The following CA8 variants were observed in gnomAD, a reference collection of about 807,000 sequenced individuals.
CA8 encodes the protein carbonic anhydrase 8 (inactive), also known as carbonic anhydrase-related protein.
A neutral mutation model predicts 41.4 loss-of-function variants in CA8; 22 were observed. That is an observed-to-expected ratio of 0.53 (90% CI 0.38 to 0.76). CA8 has a LOEUF of 0.76. CA8 is among the 30% of genes least tolerant of loss of function. The probability of loss-of-function intolerance (pLI) is 0.00; values close to 1 mark genes in which losing one functional copy is unlikely to be tolerated. For missense variants in CA8, 270 were observed against 352.8 expected (o/e 0.77, Z 1.88); for synonymous variants, 121 against 130.6 (o/e 0.93, Z 0.50).
At chr8:60,208,570 T>C (rs1806721890) in intron 8 of CA8, 180 bp downstream of exon 8, 2 of 618,650 alleles carry the variant, frequency 3.2e-6, no homozygotes, top group Admixed American at 5.6e-5. Flanking sequence ...CAATACTGCA[T>C]AAAATTAAAA....
At chr8:60,210,120 C>G (rs1014117784) in intron 7 of CA8, among the ~76,000 whole-genome samples, 2 of 152,310 alleles carry the variant, frequency 1.3e-5, no homozygotes, top group South Asian at 4.1e-4. Context: ...ACCAGATTAG[C>G]TAGTGGGTAA....
At chr8:60,241,571 T>C (rs1231911137) in intron 3 of CA8, among the ~76,000 whole-genome samples, 1 of 152,224 alleles carries the variant, frequency 6.6e-6, no homozygotes, top group Non-Finnish European at 1.5e-5. Flanking sequence ...AAAATGAAGC[T>C]TCCTTTATGA....
chr8:60,255,348 A>AT (rs1808597912), intron 3 of CA8, among the ~76,000 whole-genome samples: 1 of 148,672 alleles, frequency 6.7e-6, no homozygotes. Flanking sequence ...AATAGAGGTG[A>AT]TGTTTTGTTC....
intron 7 of CA8, among the ~76,000 whole-genome samples, chr8:60,215,236 A>C (rs1806974220): frequency 6.6e-6 from 1 of 152,168 alleles, no homozygotes; most frequent in South Asian, 2.1e-4. Flanking sequence ...TCATTTCTAA[A>C]CACGACAATC....
At chr8:60,227,057 C>T (rs1391627362) in intron 4 of CA8, 122 bp from the exon 5 acceptor site, 2 of 735,622 alleles carry the variant, frequency 2.7e-6, no homozygotes, top group African/African-American at 3.5e-5. Context: ...TTTGGGAGGC[C>T]GAGTTGGGTG....
chr8:60,226,781 T>C (rs1212127076), intron 5 of CA8, 92 bp downstream of exon 5: 10 of 737,930 alleles, frequency 1.4e-5, no homozygotes, highest in Non-Finnish European at 2.2e-5. Flanking sequence ...CTGAGATCTG[T>C]GAGTCCTTCT....
chr8:60,269,667 T>C (rs1201243800), intron 2 of CA8, among the ~76,000 whole-genome samples: 1 of 152,258 alleles, frequency 6.6e-6, no homozygotes, highest in Non-Finnish European at 1.5e-5. Flanking sequence ...CAAAGGCTAG[T>C]GCTCAAGCCT....
Position 60,187,682 on chromosome 8 carries a change from G to A in CA8, c.*2339C>T, listed in dbSNP as rs1318868817. The stretch of plus-strand genomic sequence containing the variant: ...TATTACTTTACACACCATCAGGTAC[G>A]TTAGTTACCATGAATCAGAGGCACT... On this transcript the variant is annotated 3_prime_UTR_variant, in exon 9 of 9. Transcript: ENST00000317995. 1.1e-4 allele frequency: 16 copies of A among 152,116 alleles called. No individual in the cohort carries two copies. Among genetic ancestry groups the A allele is most frequent in the Admixed American group, 9.8e-4 (15 of 15,268 alleles). 9.4% of individuals were successfully genotyped at this position (152,116 alleles called of 1,614,324 possible).
intron 3 of CA8, among the ~76,000 whole-genome samples, chr8:60,247,245 A>C (rs1386683686): frequency 1.3e-5 from 2 of 151,984 alleles, no homozygotes; most frequent in African/African-American, 4.8e-5. Flanking sequence ...AAGTTCCGGG[A>C]TACATATGCA....
chr8:60,215,515 A>C (rs1344074806), intron 7 of CA8, among the ~76,000 whole-genome samples: 1 of 152,098 alleles, frequency 6.6e-6, no homozygotes, highest in Non-Finnish European at 1.5e-5. Context: ...CCACTAAAGA[A>C]CTTACTCGTG....
chr8:60,227,528 A>T (rs565311195), intron 4 of CA8, among the ~76,000 whole-genome samples: 44 of 131,696 alleles, frequency 3.3e-4, no homozygotes, highest in Non-Finnish European at 7.2e-4. Context: ...AAATTACAAA[A>T]TACTGTTAAA....
intron 3 of CA8, among the ~76,000 whole-genome samples, chr8:60,241,271 A>C (rs1392723990): frequency 6.6e-6 from 1 of 152,232 alleles, no homozygotes; most frequent in Non-Finnish European, 1.5e-5. Context: ...TCGAAATTCT[A>C]TCTCTAGCTA....
Position 60,222,709 on chromosome 8 carries a change from A to G in CA8, c.678T>C (p.Pro226=). 6.2e-7 allele frequency: 1 copy of G among 1,614,082 alleles called. No homozygotes were observed. Among genetic ancestry groups the G allele is most frequent in the Non-Finnish European group, 8.5e-7 (1 of 1,179,922 alleles). The change falls in exon 7 of 9, where the codon CCT becomes CCC. Residue 226 remains proline (P), a synonymous_variant. Transcript: ENST00000317995. ...ATATCCAGGTGACACCTTCACTGCA[A>G]GGTGGGATGGTGAGAGAGCCTTCAT... The part of the protein sequence containing the change: ...WVYEGSLTIP[P]CSEGVTWILF...
At chr8:60,201,036 A>G (rs1806411541) in intron 8 of CA8, among the ~76,000 whole-genome samples, 1 of 152,190 alleles carries the variant, frequency 6.6e-6, no homozygotes, top group African/African-American at 2.4e-5. Flanking sequence ...AAACACATAG[A>G]TGGCTTTGAG....
chr8:60,253,147 A>C (rs1341090147), intron 3 of CA8, among the ~76,000 whole-genome samples: 1 of 152,164 alleles, frequency 6.6e-6, no homozygotes, highest in African/African-American at 2.4e-5. Flanking sequence ...AGGTGGGAGG[A>C]TGGCTTGAGC....
intron 8 of CA8, among the ~76,000 whole-genome samples, chr8:60,193,905 T>C (rs1295362473): frequency 6.6e-6 from 1 of 152,224 alleles, no homozygotes; most frequent in Admixed American, 6.5e-5. Context: ...GTTCTCTCTC[T>C]AGCTTATTAC....
At chr8:60,265,722 C>T (rs555876795) in intron 3 of CA8, 4 of 582,608 alleles carry the variant, frequency 6.9e-6, no homozygotes, top group Non-Finnish European at 9.1e-6. Flanking sequence ...TGTGCTCATG[C>T]GCACACGCCA....
In CA8 at chr8:60,266,156, A is replaced by G. The variant is rs116807113; in HGVS notation, c.293-107T>C. On this transcript the variant is annotated intron_variant, in intron 2 of 8. Transcript: ENST00000317995. ...ACCAAAATGCTCTCATGGGCTCTAC[A>G]GATTAAATTCACAAAGCCAAAATGA... 1,070 of 1,048,196 alleles carry G rather than the reference A, an allele frequency of 1.0e-3. 8 individuals are homozygous for G. In the African/African-American group the frequency reaches 0.015, roughly 15 times the overall value. 64.9% of individuals were successfully genotyped at this position (1,048,196 alleles called of 1,614,324 possible). A position where few individuals can be genotyped will look rare whatever the true frequency, so the allele number is the denominator to read the frequency against.
rs757466801 is a variant in CA8 at position 60,281,180 on chromosome 8, C to A, written c.-33G>T. The A allele has an allele frequency of 4.1e-6, 6 of 1,464,064 alleles. No homozygotes were observed. Among genetic ancestry groups the A allele is most frequent in the Non-Finnish European group, 5.6e-6 (6 of 1,074,986 alleles). The allele number at this position is 1,464,064 out of a possible 1,614,324, so 90.7% of individuals were successfully genotyped here. On this transcript the variant is annotated 5_prime_UTR_variant, in exon 1 of 9. Coordinates refer to ENST00000317995, the MANE Select transcript of CA8 (RefSeq NM_004056.6). ...CCGCGGGGCCCCTCGGCGCTCTCGG[C>A]AGCAGTGCCTGCGCCTTCGCTGGGC...
Sources: allele counts gnomAD v4.1 joint callset (sites outside exome capture counted in the v4.1 genomes callset), GRCh38; gene constraint gnomAD v4.1.1; transcripts MANE v1.5; gene names NCBI Gene and HGNC (gene_info 2026-07-23, HGNC 2026-07-21).